Variants in MARCHF1 observed in about 807,000 individuals in gnomAD.
MARCHF1 encodes the protein E3 ubiquitin-protein ligase MARCHF1.
Under a neutral mutation model 54.2 loss-of-function variants are expected in MARCHF1, and 40 were observed. The ratio of observed to expected loss-of-function variants is 0.74; its 90% confidence interval spans 0.57 to 0.96. The LOEUF is 0.96. Among genes scored for constraint, MARCHF1 ranks in the 40% least tolerant of loss-of-function variants. MARCHF1 has a pLI of 0.00. For synonymous variants in MARCHF1, 236 were observed against 236.3 expected (o/e 1.00, Z 0.01); for missense variants, 586 against 656.5 (o/e 0.89, Z 1.17).
chr4:163,805,158 A>T (rs1449272920), intron 4 of MARCHF1, among the ~76,000 whole-genome samples: 1 of 152,100 alleles, frequency 6.6e-6, no homozygotes, highest in Non-Finnish European at 1.5e-5. Context: ...ACCTGTATTG[A>T]TATTGATTAG....
At chr4:164,207,071 CT>C (rs1435851848) in intron 1 of MARCHF1, among the ~76,000 whole-genome samples, 3 of 152,126 alleles carry the variant, frequency 2.0e-5, no homozygotes, top group Admixed American at 2.0e-4. Flanking sequence ...TGTATAAACT[CT>C]TTTAACAATA....
chr4:163,696,383 T>C (rs1382702914), intron 5 of MARCHF1, among the ~76,000 whole-genome samples: 2 of 152,130 alleles, frequency 1.3e-5, no homozygotes, highest in Non-Finnish European at 2.9e-5. Flanking sequence ...ATAATAATGT[T>C]CCATTTCATA....
At chr4:164,222,194 T>C (rs752889046) in intron 1 of MARCHF1, among the ~76,000 whole-genome samples, 5 of 151,686 alleles carry the variant, frequency 3.3e-5, no homozygotes, top group South Asian at 2.1e-4. Context: ...CATTTTAGTA[T>C]AAAAACATAT....
intron 1 of MARCHF1, among the ~76,000 whole-genome samples, chr4:164,321,476 C>T (rs569322080): frequency 4.2e-5 from 6 of 141,330 alleles, no homozygotes; most frequent in Non-Finnish European, 7.6e-5. Context: ...CATGCCTGAA[C>T]ACCAAGGATA....
chr4:163,957,416 T>G (rs1266295677), intron 3 of MARCHF1, among the ~76,000 whole-genome samples: 1 of 152,084 alleles, frequency 6.6e-6, no homozygotes, highest in African/African-American at 2.4e-5. Context: ...ATCCACTGAT[T>G]TGAAATTTGC....
At chr4:164,126,472 T>G (rs1756182368) in intron 1 of MARCHF1, among the ~76,000 whole-genome samples, 1 of 152,114 alleles carries the variant, frequency 6.6e-6, no homozygotes, top group South Asian at 2.1e-4. Context: ...ACAACCCAAA[T>G]GAACAGAAAT....
At chr4:163,792,223 C>T (rs1561079846) in intron 4 of MARCHF1, among the ~76,000 whole-genome samples, 1 of 152,108 alleles carries the variant, frequency 6.6e-6, no homozygotes, top group Non-Finnish European at 1.5e-5. Context: ...TCTCTCTTTA[C>T]GTTTGTCTTC....
At chr4:164,211,223 AAAT>A (rs1257858465) in intron 1 of MARCHF1, among the ~76,000 whole-genome samples, 7 of 151,606 alleles carry the variant, frequency 4.6e-5, no homozygotes, top group African/African-American at 9.7e-5. Flanking sequence ...CTTACTCCCA[AAAT>A]AATAAGTAGT....
chr4:163,804,033 T>C (rs1037483277), intron 4 of MARCHF1, among the ~76,000 whole-genome samples: 2 of 152,204 alleles, frequency 1.3e-5, no homozygotes, highest in African/African-American at 2.4e-5. Flanking sequence ...GGCTTAAGGT[T>C]CACTCTTGAC....
intron 3 of MARCHF1, among the ~76,000 whole-genome samples, chr4:163,933,596 A>G (rs1346433092): frequency 6.6e-6 from 1 of 152,252 alleles, no homozygotes; most frequent in Admixed American, 6.5e-5. Flanking sequence ...TGAAGATATG[A>G]AAATGTAGTT....
intron 1 of MARCHF1, among the ~76,000 whole-genome samples, chr4:164,327,585 T>G (rs1735317119): frequency 1.3e-5 from 2 of 152,116 alleles, no homozygotes; most frequent in Admixed American, 1.3e-4. Flanking sequence ...AATGACATGC[T>G]CAGTCACCCC....
chr4:163,684,858 A>G (rs540624589), intron 5 of MARCHF1, among the ~76,000 whole-genome samples: 133 of 152,330 alleles, frequency 8.7e-4, no homozygotes, highest in Non-Finnish European at 1.6e-3. Flanking sequence ...CATTTCTGAA[A>G]CTTTTCTAAT....
intron 2 of MARCHF1, among the ~76,000 whole-genome samples, chr4:164,063,657 G>C (rs747360645): frequency 4.6e-5 from 7 of 152,124 alleles, no homozygotes; most frequent in Non-Finnish European, 1.0e-4. Flanking sequence ...TTCAACAAAA[G>C]TAAAAGAGAC....
chr4:164,282,211 T>C (rs1382172137), intron 1 of MARCHF1, among the ~76,000 whole-genome samples: 1 of 150,816 alleles, frequency 6.6e-6, no homozygotes, highest in East Asian at 2.0e-4. Flanking sequence ...TTTGACTCCT[T>C]TCTGTATCAT....
chr4:163,580,927 C>T (rs202052171), intron 8 of MARCHF1, among the ~76,000 whole-genome samples: 5 of 106,078 alleles, frequency 4.7e-5, no homozygotes, highest in East Asian at 3.0e-4. Flanking sequence ...CTCAGCCTCC[C>T]GAGTAGCTGG....
intron 7 of MARCHF1, among the ~76,000 whole-genome samples, chr4:163,596,386 A>G (rs1356033725): frequency 6.6e-6 from 1 of 151,978 alleles, no homozygotes; most frequent in Non-Finnish European, 1.5e-5. Context: ...CTAAAAATAC[A>G]AAAATTAGCC....
chr4:163,562,555 C>G (rs1319381786), intron 8 of MARCHF1, among the ~76,000 whole-genome samples: 1 of 152,104 alleles, frequency 6.6e-6, no homozygotes, highest in Non-Finnish European at 1.5e-5. Context: ...CCCCTCAGTT[C>G]CCAGGCCTTC....
chr4:163,921,839 G>C (rs1290492879), intron 3 of MARCHF1, among the ~76,000 whole-genome samples: 2 of 151,940 alleles, frequency 1.3e-5, no homozygotes, highest in Admixed American at 1.3e-4. Flanking sequence ...AATTGGCAAA[G>C]GTATTTTGTA....
intron 4 of MARCHF1, among the ~76,000 whole-genome samples, chr4:163,756,948 T>C (rs1746695396): frequency 1.3e-5 from 2 of 152,154 alleles, no homozygotes; most frequent in Non-Finnish European, 2.9e-5. Context: ...AATTTATTTC[T>C]TCAGAAACTA....
Sources: allele counts gnomAD v4.1 joint callset (sites outside exome capture counted in the v4.1 genomes callset), GRCh38; gene constraint gnomAD v4.1.1; transcripts MANE v1.5; gene names NCBI Gene and HGNC (gene_info 2026-07-23, HGNC 2026-07-21).